Variants in COLEC12 observed in about 807,000 individuals in gnomAD.
COLEC12 encodes collectin-12.
In COLEC12, 33 loss-of-function variants were observed where a neutral mutation model predicts 71.1. The observed-to-expected ratio is 0.46, with a 90% CI of 0.35 to 0.62. COLEC12 has a LOEUF of 0.62. Ranked by LOEUF, COLEC12 falls within the 20% of genes least tolerant of loss-of-function variation. The probability of loss-of-function intolerance (pLI) is 0.00; values close to 1 mark genes in which losing one functional copy is unlikely to be tolerated. For missense variants in COLEC12, 765 were observed against 916.1 expected (o/e 0.84, Z 2.13); for synonymous variants, 350 against 353.0 (o/e 0.99, Z 0.10).
At chr18:422,978 A>G (rs115484197) in intron 2 of COLEC12, among the ~76,000 whole-genome samples, 46 of 152,350 alleles carry the variant, frequency 3.0e-4, no homozygotes, top group Admixed American at 2.4e-3. Flanking sequence ...GTTCAAAACA[A>G]TATTTACTGG....
rs538376121 is a variant in COLEC12 at position 467,956 on chromosome 18, T to TA, written c.58+12750dup. On this transcript the variant is annotated intron_variant, in intron 2 of 9. Coordinates refer to ENST00000400256, the MANE Select transcript of COLEC12 (RefSeq NM_130386.3). ...TTTGAATTGTTGGAATAAGGAAGAGTAAAAAATAATATATTTTAAAAATCA... is the reference window on the plus strand; with the variant it reads ...TTTGAATTGTTGGAATAAGGAAGAGTAAAAAAATAATATATTTTAAAAATCA... 1.2e-3 allele frequency among the ~76,000 whole-genome samples: 186 copies of TA among 152,050 alleles called. 2 individuals carry two copies. The highest frequency in any genetic ancestry group is 4.3e-3 in the African/African-American group (180 of 41,456).
intron 1 of COLEC12, among the ~76,000 whole-genome samples, chr18:481,128 C>T (rs9953141): frequency 2.2e-4 from 34 of 152,276 alleles, no homozygotes; most frequent in African/African-American, 7.9e-4. Flanking sequence ...TTCCTGTGAA[C>T]AGAAACTTTT....
At chr18:436,128 T>C (rs1916398235) in intron 2 of COLEC12, among the ~76,000 whole-genome samples, 1 of 152,234 alleles carries the variant, frequency 6.6e-6, no homozygotes, top group African/African-American at 2.4e-5. Context: ...GAAAGAGCTC[T>C]AGTTAGTGAT....
intron 2 of COLEC12, among the ~76,000 whole-genome samples, chr18:463,011 C>T (rs892286945): frequency 9.2e-5 from 14 of 152,192 alleles, no homozygotes; most frequent in Admixed American, 9.2e-4. Flanking sequence ...TTTCTGATAG[C>T]TGTTCTCTCA....
chr18:481,658 C>T (rs1337872251), intron 1 of COLEC12, among the ~76,000 whole-genome samples: 1 of 151,896 alleles, frequency 6.6e-6, no homozygotes, highest in Non-Finnish European at 1.5e-5. Flanking sequence ...GAGCTAAGAT[C>T]GTGCCATTGA....
rs10689788 is a variant in COLEC12 at position 497,383 on chromosome 18, GGTGTGT to G, written c.7+3119_7+3124del. ...GATTTTCAATTTGGCTAAAGAATGG[GGTGTGT>G]GTGTGTGTGTGTGTGTGTGTGTGTG... On this transcript the variant is annotated intron_variant, in intron 1 of 9. Transcript: ENST00000400256. Among the ~76,000 whole-genome samples, 324 of 147,158 alleles carry G rather than the reference GGTGTGT, an allele frequency of 2.2e-3. No individual in the cohort carries two copies. The Middle Eastern group carries it at 0.025, about 11-fold the overall frequency.
intron 2 of COLEC12, among the ~76,000 whole-genome samples, chr18:429,210 T>TG (rs1295225817): frequency 1.3e-5 from 2 of 151,942 alleles, no homozygotes; most frequent in Non-Finnish European, 2.9e-5. Context: ...ATGTTTTTTT[T>TG]GTTTTGATTT....
intron 2 of COLEC12, among the ~76,000 whole-genome samples, chr18:416,997 G>A (rs138203395): frequency 6.6e-6 from 1 of 151,462 alleles, no homozygotes; most frequent in African/African-American, 2.4e-5. Flanking sequence ...GCAGTAATTA[G>A]CAATCATTCA....
chr18:338,007 T>G (rs1555612904), intron 5 of COLEC12, among the ~76,000 whole-genome samples: 1 of 152,236 alleles, frequency 6.6e-6, no homozygotes, highest in Non-Finnish European at 1.5e-5. Flanking sequence ...ACTTTTGTCT[T>G]CCTTAAGCCC....
chr18:435,421 C>T (rs1317595046), intron 2 of COLEC12, among the ~76,000 whole-genome samples: 1 of 152,092 alleles, frequency 6.6e-6, no homozygotes, highest in African/African-American at 2.4e-5. Context: ...GCTTATAAAA[C>T]CACCAGATCT....
intron 2 of COLEC12, among the ~76,000 whole-genome samples, chr18:463,451 C>A (rs1432452599): frequency 1.3e-5 from 2 of 152,002 alleles, no homozygotes; most frequent in Non-Finnish European, 2.9e-5. Context: ...AAGTAATAAA[C>A]CACACACACA....
chr18:385,452 G>A (rs905816112), intron 2 of COLEC12, among the ~76,000 whole-genome samples: 9 of 151,350 alleles, frequency 5.9e-5, no homozygotes, highest in African/African-American at 1.9e-4. Flanking sequence ...AGCTTCCTGA[G>A]TAGCTGGGAT....
chr18:334,582 C>T (rs1914061254), intron 6 of COLEC12, 160 bp downstream of exon 6: 8 of 502,580 alleles, frequency 1.6e-5, no homozygotes, highest in Middle Eastern at 5.5e-4. Flanking sequence ...GAGCCGAGAT[C>T]ACGCCACTGC....
intron 2 of COLEC12, among the ~76,000 whole-genome samples, chr18:446,254 A>ATG (rs751086298): frequency 8.2e-4 from 94 of 115,322 alleles, no homozygotes; most frequent in South Asian, 6.0e-4. Context: ...GTATATATAT[A>ATG]TGTGTGTGTG....
chr18:440,939 G>T (rs1916507734), intron 2 of COLEC12, among the ~76,000 whole-genome samples: 1 of 152,146 alleles, frequency 6.6e-6, no homozygotes, highest in Non-Finnish European at 1.5e-5. Context: ...GCTCCCTACA[G>T]CGGGGCTTAG....
intron 3 of COLEC12, among the ~76,000 whole-genome samples, chr18:353,262 C>G (rs565193495): frequency 6.6e-6 from 1 of 152,274 alleles, no homozygotes; most frequent in South Asian, 2.1e-4. Context: ...ATAATAGCCT[C>G]TATTTATCGA....
At chr18:353,768 T>C (rs1212083665) in intron 3 of COLEC12, among the ~76,000 whole-genome samples, 3 of 152,192 alleles carry the variant, frequency 2.0e-5, no homozygotes, top group Non-Finnish European at 4.4e-5. Context: ...GGCTTCCCAG[T>C]AACATTAGTT....
At chr18:462,073 G>A (rs1057457608) in intron 2 of COLEC12, among the ~76,000 whole-genome samples, 1 of 152,068 alleles carries the variant, frequency 6.6e-6, no homozygotes, top group Non-Finnish European at 1.5e-5. Flanking sequence ...CTTTTTTGGT[G>A]AAGGGAATGA....
intron 2 of COLEC12, among the ~76,000 whole-genome samples, chr18:436,008 T>C (rs1232562879): frequency 6.6e-6 from 1 of 152,242 alleles, no homozygotes; most frequent in African/African-American, 2.4e-5. Flanking sequence ...GGAGAGAATT[T>C]AAGTCAGAAT....
Sources: allele counts gnomAD v4.1 joint callset (sites outside exome capture counted in the v4.1 genomes callset), GRCh38; gene constraint gnomAD v4.1.1; transcripts MANE v1.5; gene names NCBI Gene and HGNC (gene_info 2026-07-23, HGNC 2026-07-21).